PSD3: variants seen among roughly 807,000 people sequenced by gnomAD.
The protein encoded by PSD3 is pleckstrin and Sec7 domain containing 3.
In PSD3, 49 loss-of-function variants were observed where a neutral mutation model predicts 105.5. That is an observed-to-expected ratio of 0.46 (90% CI 0.37 to 0.59). The LOEUF is 0.59. Among genes scored for constraint, PSD3 ranks in the 20% least tolerant of loss-of-function variants. PSD3 has a pLI of 0.00. For missense variants in PSD3, 1,561 were observed against 1,263.8 expected (o/e 1.24, Z -3.57); for synonymous variants, 557 against 457.8 (o/e 1.22, Z -2.77).
At chr8:18,845,678 T>C (rs1815027476) in intron 4 of PSD3, among the ~76,000 whole-genome samples, 1 of 152,158 alleles carries the variant, frequency 6.6e-6, no homozygotes, top group Non-Finnish European at 1.5e-5. Flanking sequence ...GGCTCGCACC[T>C]GTAATCCCAA....
At chr8:18,915,389 T>C (rs1364541848) in intron 2 of PSD3, among the ~76,000 whole-genome samples, 5 of 152,130 alleles carry the variant, frequency 3.3e-5, no homozygotes, top group South Asian at 4.2e-4. Flanking sequence ...AAGGAAACAA[T>C]TGTCAGGGTG....
chr8:18,770,310 A>C (rs555778317), intron 8 of PSD3, among the ~76,000 whole-genome samples: 6 of 151,854 alleles, frequency 4.0e-5, no homozygotes, highest in Admixed American at 2.0e-4. Context: ...TTCCCTTCTT[A>C]TTGGAATATT....
chr8:18,909,034 A>T (rs1322274362), intron 2 of PSD3, among the ~76,000 whole-genome samples: 4 of 152,146 alleles, frequency 2.6e-5, no homozygotes, highest in Non-Finnish European at 5.9e-5. Context: ...AACCAACTCA[A>T]AGTTTACTAT....
At chr8:18,644,019 G>A (rs1807848549) in intron 10 of PSD3, among the ~76,000 whole-genome samples, 1 of 152,328 alleles carries the variant, frequency 6.6e-6, no homozygotes, top group South Asian at 2.1e-4. Flanking sequence ...CTCTGGTGGA[G>A]AGCACCCTGG....
chr8:18,577,097 T>A (rs1563339931), intron 12 of PSD3, among the ~76,000 whole-genome samples: 4 of 152,012 alleles, frequency 2.6e-5, no homozygotes, highest in Admixed American at 2.0e-4. Flanking sequence ...GTAGCAGAGT[T>A]TGGGAAAGAA....
chr8:18,790,431 T>C (rs898486759), intron 8 of PSD3, among the ~76,000 whole-genome samples: 2 of 151,578 alleles, frequency 1.3e-5, no homozygotes, highest in African/African-American at 2.4e-5. Flanking sequence ...GCCTCCCAAG[T>C]AGCTGGGACT....
At chr8:18,909,251 T>C (rs1055710139) in intron 2 of PSD3, among the ~76,000 whole-genome samples, 3 of 152,162 alleles carry the variant, frequency 2.0e-5, no homozygotes, top group African/African-American at 7.2e-5. Flanking sequence ...AAGCTCCTGA[T>C]GTACAGAAAT....
intron 2 of PSD3, among the ~76,000 whole-genome samples, chr8:18,894,231 A>C (rs1215991510): frequency 6.6e-6 from 1 of 152,192 alleles, no homozygotes; most frequent in Non-Finnish European, 1.5e-5. Context: ...GCTTTTGTAC[A>C]ATTAATTTTG....
chr8:19,078,160 C>T (rs565875177), intron 1 of PSD3, among the ~76,000 whole-genome samples: 6 of 151,966 alleles, frequency 3.9e-5, no homozygotes, highest in Admixed American at 1.3e-4. Context: ...CCTCCCAAAG[C>T]GCTGGGATTA....
chr8:18,813,788 A>G (rs1340349176), intron 4 of PSD3, among the ~76,000 whole-genome samples: 2 of 152,184 alleles, frequency 1.3e-5, no homozygotes, highest in Non-Finnish European at 1.5e-5. Flanking sequence ...TATAAAACAG[A>G]TAATAGTATC....
upstream of PSD3, among the ~76,000 whole-genome samples, chr8:19,016,599 A>G (rs1200362373): frequency 1.3e-5 from 2 of 152,200 alleles, no homozygotes; most frequent in East Asian, 1.9e-4. Flanking sequence ...TACCACCTAC[A>G]TAATATTTTG....
chr8:18,960,340 G>A (rs1007567004), intron 1 of PSD3, among the ~76,000 whole-genome samples: 5 of 152,170 alleles, frequency 3.3e-5, no homozygotes, highest in Non-Finnish European at 7.3e-5. Context: ...ATGAGTAATC[G>A]ATGGCATGTC....
intron 9 of PSD3, among the ~76,000 whole-genome samples, chr8:18,756,797 A>G (rs964513070): frequency 2.0e-5 from 3 of 148,272 alleles, no homozygotes; most frequent in Non-Finnish European, 4.5e-5. Flanking sequence ...CACAGGCCAA[A>G]TATCTTATTT....
intron 4 of PSD3, among the ~76,000 whole-genome samples, chr8:18,816,880 G>A (rs1019410278): frequency 6.6e-6 from 1 of 152,148 alleles, no homozygotes; most frequent in African/African-American, 2.4e-5. Context: ...GTGCCTTGGA[G>A]ATAAATATAG....
chr8:18,699,877 A>AC (rs200539208), intron 9 of PSD3, among the ~76,000 whole-genome samples: 3,342 of 151,774 alleles, frequency 0.022, 98 homozygotes, highest in African/African-American at 0.074. Flanking sequence ...AAAAAAAAAA[A>AC]CCACAAAAAT....
At chr8:18,814,861 G>A (rs148651314) in intron 4 of PSD3, among the ~76,000 whole-genome samples, 95 of 152,314 alleles carry the variant, frequency 6.2e-4, no homozygotes, top group African/African-American at 1.5e-3. Context: ...GGTTGAATTA[G>A]TATCAGTGTA....
intron 9 of PSD3, among the ~76,000 whole-genome samples, chr8:18,666,287 G>A (rs921850410): frequency 2.6e-5 from 4 of 152,222 alleles, no homozygotes; most frequent in African/African-American, 9.6e-5. Context: ...CTGACCTCAG[G>A]TGATCCGCCC....
At chr8:19,066,204 C>G (rs1301563645) in intron 1 of PSD3, among the ~76,000 whole-genome samples, 2 of 152,124 alleles carry the variant, frequency 1.3e-5, no homozygotes, top group African/African-American at 4.8e-5. Context: ...GTACTACCAA[C>G]TGGTAGATAC....
intron 8 of PSD3, among the ~76,000 whole-genome samples, chr8:18,793,933 T>A (rs939476002): frequency 9.2e-5 from 14 of 151,866 alleles, no homozygotes; most frequent in African/African-American, 3.1e-4. Flanking sequence ...AAATATAAAA[T>A]AGCACAATAT....
Sources: allele counts gnomAD v4.1 joint callset (sites outside exome capture counted in the v4.1 genomes callset), GRCh38; gene constraint gnomAD v4.1.1; transcripts MANE v1.5; gene names NCBI Gene and HGNC (gene_info 2026-07-23, HGNC 2026-07-21).